The following STK11IP variants were observed in gnomAD, a reference collection of about 807,000 sequenced individuals.
STK11IP encodes the protein serine/threonine-protein kinase 11-interacting protein.
STK11IP carries 103 observed loss-of-function variants against 131.7 expected under a neutral mutation model. The observed-to-expected ratio is 0.78, with a 90% CI of 0.67 to 0.92. The LOEUF is 0.92. STK11IP is among the 40% of genes least tolerant of loss of function. The probability of loss-of-function intolerance (pLI) is 0.00; values close to 1 mark genes in which losing one functional copy is unlikely to be tolerated. For synonymous variants in STK11IP, 557 were observed against 575.6 expected, an observed-to-expected ratio of 0.97 and a Z score of 0.46; for missense variants, 1,315 against 1,385.7, an observed-to-expected ratio of 0.95 and a Z score of 0.81.
chr2:219,613,963 G>T (rs768061881), intron 21 of STK11IP, 33 bp downstream of exon 21: 26 of 514,658 alleles, frequency 5.1e-5, no homozygotes, highest in South Asian at 4.2e-4. Context: ...AGGAGGGTGG[G>T]CAGGAGGGTG....
At chr2:219,606,891 G>A (rs368300469) in intron 12 of STK11IP, 33 bp downstream of exon 12, 61 of 1,595,218 alleles carry the variant, frequency 3.8e-5, no homozygotes, top group Admixed American at 2.2e-4. Flanking sequence ...TTGTGCCTGC[G>A]GTTGGGTGTC....
Position 219,606,254 on chromosome 2 carries a change from G to C in STK11IP, c.909G>C (p.Gln303His), listed in dbSNP as rs1698152148. 3 of 1,573,008 alleles carry C rather than the reference G, an allele frequency of 1.9e-6. 1 individual carries two copies. The highest frequency in any genetic ancestry group is 1.2e-5 in the South Asian group (1 of 85,730). ...CTGAGCACCGAGCAGCCACTGCCCA[G>C]TACTTGTCACCCCGGGCCAGGGATG... Reference protein sequence around the residue: ...FHPEHRAATAQYLSPRARDAA... With the variant: ...FHPEHRAATAHYLSPRARDAA... Residue 303 changes from glutamine to histidine, a missense_variant, in exon 10 of 25, where the codon CAG (glutamine) becomes CAC (histidine). Coordinates refer to ENST00000456909, the MANE Select transcript of STK11IP (RefSeq NM_052902.4).
At position 219,608,689 on chromosome 2, in the gene STK11IP, A is replaced by G. The variant is rs551700886; in HGVS notation, c.1710A>G (p.Glu570=). The change falls in exon 15 of 25, where the codon GAA becomes GAG. Residue 570 remains glutamate (E), a synonymous_variant. Transcript: ENST00000456909. The part of the protein sequence containing the change: ...RVTSAHLFEV[E]LQAARTLERL... ...CTTCTGCCCACCTGTTTGAGGTGGA[A>G]CTCCAAGCAGCTCGCACCTTGGAGC... 83 of 1,613,606 alleles carry G rather than the reference A, an allele frequency of 5.1e-5. 1 individual carries two copies. The South Asian group carries it at 8.8e-4, about 17-fold the overall frequency.
chr2:219,608,143 C>T lies in STK11IP; in HGVS notation c.1316C>T (p.Pro439Leu). 6.2e-7 allele frequency: 1 copy of T among 1,613,478 alleles called. No homozygotes were observed. Among genetic ancestry groups the T allele is most frequent in the Non-Finnish European group, 8.5e-7 (1 of 1,179,888 alleles). ...CTGCAGTACAGGAGTCACCTGGAGC[C>T]CTCCGGAAACCCTCTGCCGGCCACC... ...NWLQYRSHLE[P>L]SGNPLPATPT... Residue 439 changes from proline (P) to leucine (L), a missense_variant, in exon 14 of 25, where the codon CCC becomes CTC. Coordinates refer to ENST00000456909, the MANE Select transcript of STK11IP (RefSeq NM_052902.4).
At chr2:219,615,841 T>C in intron 24 of STK11IP, 2 of 753,588 alleles carry the variant, frequency 2.7e-6, no homozygotes, top group East Asian at 2.7e-5. Flanking sequence ...AGACAGGTCC[T>C]CTGGAGGCTT....
intron 22 of STK11IP, 38 bp from the exon 23 acceptor site, chr2:219,614,438 G>A (rs745896604): frequency 1.1e-5 from 18 of 1,607,076 alleles, no homozygotes; most frequent in East Asian, 2.2e-5. Context: ...CTTCCCACCC[G>A]CTAGCTGATC....
intron 13 of STK11IP, among the ~76,000 whole-genome samples, chr2:219,607,647 G>A (rs1698236109): frequency 6.6e-6 from 1 of 151,470 alleles, no homozygotes; most frequent in Non-Finnish European, 1.5e-5. Flanking sequence ...GACAGAGTAA[G>A]ACCTTATCTC....
At chr2:219,611,263 G>A (rs1435484202) in intron 17 of STK11IP, among the ~76,000 whole-genome samples, 1 of 152,180 alleles carries the variant, frequency 6.6e-6, no homozygotes, top group Non-Finnish European at 1.5e-5. Flanking sequence ...ACGTTGCTAG[G>A]AGAGCCCTGA....
At position 219,616,060 on chromosome 2, in the gene STK11IP, G is replaced by A. The variant is rs1249302162; in HGVS notation, c.3134G>A (p.Ser1045Asn). The A allele has an allele frequency of 1.2e-6, 2 of 1,613,840 alleles. No individual in the cohort carries two copies. Among genetic ancestry groups the A allele is most frequent in the South Asian group, 1.1e-5 (1 of 91,080 alleles). ...LFYDEVSRLE[S>N]FWALRVVCQE... The stretch of plus-strand genomic sequence containing the variant: ...GTCTGCCAGGTGTCCCGGCTGGAGA[G>A]CTTTTGGGCACTCCGTGTGGTGTGT... The change falls in exon 25 of 25, where the codon AGC becomes AAC. Residue 1045 changes from serine to asparagine, a missense_variant. Ser to Asn is a conservative substitution (Grantham distance 46, BLOSUM62 1). Transcript: ENST00000456909.
chr2:219,609,005 A>G, intron 15 of STK11IP, 92 bp from the exon 16 acceptor site: 2 of 1,122,094 alleles, frequency 1.8e-6, no homozygotes, highest in Non-Finnish European at 2.6e-6. Flanking sequence ...CAGGCTTCAG[A>G]GGTCCTGCCA....
intron 17 of STK11IP, among the ~76,000 whole-genome samples, chr2:219,609,904 G>GT (rs1698339503): frequency 6.6e-6 from 1 of 152,180 alleles, no homozygotes; most frequent in African/African-American, 2.4e-5. Flanking sequence ...CCTCACTGCA[G>GT]TATTGGATTG....
Position 219,613,189 on chromosome 2 carries a change from G to T in STK11IP, c.2501G>T (p.Arg834Leu), listed in dbSNP as rs374671989. Reference sequence around the variant, plus strand: ...ATGTGCCTTGTGGTTGTGTCTGACCGCAGGCTGTACCTGTTGAAGGTGACT... The same window carrying T: ...ATGTGCCTTGTGGTTGTGTCTGACCTCAGGCTGTACCTGTTGAAGGTGACT... ...EFMCLVVVSD[R>L]RLYLLKVTGE... The change falls in exon 20 of 25, where the codon CGC becomes CTC. Residue 834 changes from arginine (R) to leucine (L), a missense_variant. Physicochemically the swap from Arg to Leu is moderately radical, Grantham distance 102 (BLOSUM62 -2). Transcript: ENST00000456909. The T allele has an allele frequency of 6.2e-7, 1 of 1,610,574 alleles. No homozygotes were observed. Among genetic ancestry groups the T allele is most frequent in the South Asian group, 1.1e-5 (1 of 90,984 alleles).
chr2:219,604,344 A>G (rs553792479), intron 7 of STK11IP, among the ~76,000 whole-genome samples: 5 of 152,304 alleles, frequency 3.3e-5, no homozygotes, highest in African/African-American at 1.2e-4. Context: ...GCCTAGTCAA[A>G]AAGAAGGCCC....
intron 13 of STK11IP, among the ~76,000 whole-genome samples, chr2:219,607,810 A>G (rs894069096): frequency 6.6e-6 from 1 of 152,162 alleles, no homozygotes; most frequent in East Asian, 1.9e-4. Context: ...TCAGGATGCT[A>G]TCATGTATGC....
At chr2:219,613,980 G>A in intron 21 of STK11IP, 50 bp downstream of exon 21, 1 of 1,510,428 alleles carries the variant, frequency 6.6e-7, no homozygotes, top group South Asian at 1.3e-5. Flanking sequence ...GGTGGGCAGG[G>A]CCTTGGGGCC....
At chr2:219,601,831 T>A in intron 4 of STK11IP, 116 bp downstream of exon 4, 1 of 1,278,410 alleles carries the variant, frequency 7.8e-7, no homozygotes, top group Non-Finnish European at 1.1e-6. Context: ...TACCCATTGC[T>A]CTGCAGTCAT....
chr2:219,601,532 C>T (rs779414863), intron 3 of STK11IP, 92 bp downstream of exon 3: 7 of 1,556,246 alleles, frequency 4.5e-6, no homozygotes, highest in Non-Finnish European at 5.2e-6. Flanking sequence ...GTCTGCAGTG[C>T]CAGGATCCAG....
intron 12 of STK11IP, 96 bp downstream of exon 12, chr2:219,606,954 C>T (rs1437097179): frequency 1.3e-6 from 2 of 1,592,390 alleles, no homozygotes; most frequent in African/African-American, 2.7e-5. Context: ...ACTGTGCTTG[C>T]ACGTGGTCAA....
chr2:219,616,155 C>T lies in STK11IP; in HGVS notation c.3229C>T (p.Arg1077Trp), dbSNP rs776082847. Residue 1077 changes from arginine to tryptophan, a missense_variant, in exon 25 of 25, where the codon CGG (arginine) becomes TGG (tryptophan). By Grantham distance (101) the Arg-to-Trp change is moderately radical. Transcript: ENST00000456909. ...PWEELFSIGL[R>W]TVIQEALALD... ...GGAGGAGCTGTTTTCCATCGGACTC[C>T]GGACAGTGATCCAAGAGGCGCTGGC... 1.1e-5 allele frequency: 18 copies of T among 1,613,712 alleles called. No homozygotes were observed. Among genetic ancestry groups the T allele is most frequent in the Middle Eastern group, 1.6e-4 (1 of 6,062 alleles).
Sources: gnomAD v4.1 joint callset for allele counts (sites outside exome capture counted in the v4.1 genomes callset) on GRCh38, gnomAD v4.1.1 for gene constraint, MANE v1.5 for transcripts, NCBI Gene and HGNC (gene_info 2026-07-23, HGNC 2026-07-21) for gene names.